The following PTPRD variants were observed in gnomAD, a reference collection of about 807,000 sequenced individuals.
The protein encoded by PTPRD is protein tyrosine phosphatase receptor type D, also known as receptor-type tyrosine-protein phosphatase delta.
In PTPRD, 34 loss-of-function variants were observed where a neutral mutation model predicts 214.5. That is an observed-to-expected ratio of 0.16 (90% CI 0.12 to 0.21). The LOEUF is 0.21. Among genes scored for constraint, PTPRD ranks in the 10% least tolerant of loss-of-function variants. The pLI is 1.00. For synonymous variants in PTPRD, 1,128 were observed against 845.7 expected, an observed-to-expected ratio of 1.33 and a Z score of -5.79; for missense variants, 2,545 against 2,398.7, an observed-to-expected ratio of 1.06 and a Z score of -1.27.
intron 4 of PTPRD, among the ~76,000 whole-genome samples, chr9:9,954,724 C>A (rs78486501): frequency 0.022 from 3,281 of 152,058 alleles, 127 homozygotes; most frequent in African/African-American, 0.076. Flanking sequence ...TTTTTTATAT[C>A]AATTTCTGTG....
intron 7 of PTPRD, among the ~76,000 whole-genome samples, chr9:9,584,547 T>G (rs1375741532): frequency 6.6e-6 from 1 of 151,948 alleles, no homozygotes; most frequent in Non-Finnish European, 1.5e-5. Context: ...TGACATGACT[T>G]GTTCACATAT....
intron 11 of PTPRD, among the ~76,000 whole-genome samples, chr9:8,949,909 T>G (rs560509314): frequency 6.6e-6 from 1 of 152,280 alleles, no homozygotes; most frequent in South Asian, 2.1e-4. Flanking sequence ...TCTGCTCACT[T>G]CAGTTACTTT....
Position 8,341,705 on chromosome 9 carries a change from C to A in PTPRD, c.4935G>T (p.Glu1645Asp). 6.2e-7 allele frequency: 1 copy of A among 1,613,376 alleles called. No homozygotes were observed. Among genetic ancestry groups the A allele is most frequent in the Non-Finnish European group, 8.5e-7 (1 of 1,179,562 alleles). ...IETGENVTGM[E>D]LEFKRLASSK... Reference sequence around the variant, plus strand: ...TCCAATACCATACCTTAAATTCGAGCTCCATTCCTGTGACATTCTCTCCCG... The same window carrying A: ...TCCAATACCATACCTTAAATTCGAGATCCATTCCTGTGACATTCTCTCCCG... The change falls in exon 40 of 46, where the codon GAG (glutamate) becomes GAT (aspartate). Residue 1645 changes from glutamate (E) to aspartate (D), a missense_variant. Transcript: ENST00000381196.
chr9:9,515,780 G>A (rs1356388664), intron 8 of PTPRD, among the ~76,000 whole-genome samples: 1 of 151,972 alleles, frequency 6.6e-6, no homozygotes, highest in Non-Finnish European at 1.5e-5. Context: ...CTTAAGTATG[G>A]TGAGATAAAG....
At chr9:8,967,986 G>A (rs1436666839) in intron 11 of PTPRD, among the ~76,000 whole-genome samples, 1 of 151,988 alleles carries the variant, frequency 6.6e-6, no homozygotes, top group South Asian at 2.1e-4. Flanking sequence ...TCCTACCTAT[G>A]AGTGAGAACA....
intron 4 of PTPRD, among the ~76,000 whole-genome samples, chr9:9,939,680 T>A (rs1221015593): frequency 6.6e-6 from 1 of 152,192 alleles, no homozygotes; most frequent in African/African-American, 2.4e-5. Context: ...ATCATGTGGC[T>A]CCCTGTATTT....
chr9:9,533,012 T>C (rs2075813380), intron 8 of PTPRD, among the ~76,000 whole-genome samples: 1 of 152,150 alleles, frequency 6.6e-6, no homozygotes, highest in African/African-American at 2.4e-5. Context: ...AGAAGAAGTT[T>C]ACAGAGATGC....
intron 5 of PTPRD, among the ~76,000 whole-genome samples, chr9:9,931,534 T>C (rs7047683): frequency 0.57 from 86,735 of 152,024 alleles, 27,857 homozygotes; most frequent in East Asian, 0.91. Context: ...TAAAAAACAG[T>C]GCACCAGGAG....
intron 5 of PTPRD, among the ~76,000 whole-genome samples, chr9:9,843,844 C>G (rs929794567): frequency 6.6e-6 from 1 of 151,940 alleles, no homozygotes; most frequent in Non-Finnish European, 1.5e-5. Context: ...TGGTTGTTAA[C>G]TGATTGATGG....
intron 2 of PTPRD, among the ~76,000 whole-genome samples, chr9:10,449,549 G>C (rs961199060): frequency 6.6e-6 from 1 of 151,668 alleles, no homozygotes; most frequent in Non-Finnish European, 1.5e-5. Flanking sequence ...AGTCTGGGAA[G>C]TGAGGAGCGT....
chr9:9,361,564 G>A (rs904246319), intron 9 of PTPRD, among the ~76,000 whole-genome samples: 1 of 150,512 alleles, frequency 6.6e-6, no homozygotes, highest in Admixed American at 6.6e-5. Context: ...CATGTTTTTG[G>A]TACATGTGAT....
At chr9:8,588,887 G>T (rs1167161799) in intron 14 of PTPRD, among the ~76,000 whole-genome samples, 1 of 152,058 alleles carries the variant, frequency 6.6e-6, no homozygotes, top group Non-Finnish European at 1.5e-5. Context: ...TTAAAATAGA[G>T]ATTCTTGGAC....
chr9:9,481,109 A>AATG (rs1191823278), intron 8 of PTPRD, among the ~76,000 whole-genome samples: 1 of 152,064 alleles, frequency 6.6e-6, no homozygotes, highest in South Asian at 2.1e-4. Flanking sequence ...TGATGGTGAT[A>AATG]ATGATGATGA....
chr9:8,409,775 C>G (rs548517983), intron 35 of PTPRD, among the ~76,000 whole-genome samples: 1 of 151,990 alleles, frequency 6.6e-6, no homozygotes, highest in Non-Finnish European at 1.5e-5. Context: ...CAAAGAGAAA[C>G]CACAAAAAAA....
At chr9:10,504,500 G>A (rs1245012352) in intron 2 of PTPRD, among the ~76,000 whole-genome samples, 2 of 152,074 alleles carry the variant, frequency 1.3e-5, no homozygotes, top group Non-Finnish European at 1.5e-5. Context: ...AACTTTTGGT[G>A]CAAGTTTCCA....
chr9:10,561,806 T>A (rs2064043879), intron 2 of PTPRD, among the ~76,000 whole-genome samples: 1 of 152,246 alleles, frequency 6.6e-6, no homozygotes, highest in East Asian at 1.9e-4. Context: ...CTTCAGCTGA[T>A]TCTCTGACTC....
chr9:8,853,446 T>A (rs571008243), intron 11 of PTPRD, among the ~76,000 whole-genome samples: 3 of 152,334 alleles, frequency 2.0e-5, no homozygotes, highest in Non-Finnish European at 4.4e-5. Flanking sequence ...TTGGACACTT[T>A]GTGGAAACAG....
intron 3 of PTPRD, among the ~76,000 whole-genome samples, chr9:10,165,123 C>T (rs548952513): frequency 6.6e-6 from 1 of 151,652 alleles, no homozygotes; most frequent in Non-Finnish European, 1.5e-5. Context: ...CACAGTTCAG[C>T]AATCTCGATG....
intron 3 of PTPRD, among the ~76,000 whole-genome samples, chr9:10,256,945 T>C (rs746238916): frequency 6.6e-6 from 1 of 152,206 alleles, no homozygotes; most frequent in Admixed American, 6.5e-5. Flanking sequence ...CTTCATAATG[T>C]TCAAATTATG....
Sources: gnomAD v4.1 joint callset for allele counts (sites outside exome capture counted in the v4.1 genomes callset) on GRCh38, gnomAD v4.1.1 for gene constraint, MANE v1.5 for transcripts, NCBI Gene and HGNC (gene_info 2026-07-23, HGNC 2026-07-21) for gene names.